The following GIT2 variants were observed in gnomAD, a reference collection of about 807,000 sequenced individuals.
GIT2 encodes the protein ARF GTPase-activating protein GIT2.
GIT2 carries 32 observed loss-of-function variants against 100.3 expected under a neutral mutation model. The observed-to-expected ratio is 0.32, with a 90% CI of 0.24 to 0.43. GIT2 has a LOEUF of 0.43. GIT2 is among the 20% of genes least tolerant of loss of function. The pLI, the probability that GIT2 is intolerant of heterozygous loss-of-function variation, is 1.00. For synonymous variants in GIT2, 353 were observed against 364.1 expected (o/e 0.97, Z 0.35); for missense variants, 737 against 975.1 (o/e 0.76, Z 3.25).
At chr12:109,964,886 T>C (rs1029332808) in intron 9 of GIT2, among the ~76,000 whole-genome samples, 3 of 151,974 alleles carry the variant, frequency 2.0e-5, no homozygotes, top group Admixed American at 1.3e-4. Context: ...CCCAGAGAAG[T>C]AGATTTCCCA....
chr12:109,938,415 C>T lies in GIT2; in HGVS notation c.1968G>A (p.Glu656=), dbSNP rs911950713. The T allele has an allele frequency of 1.9e-6, 3 of 1,613,712 alleles. No homozygotes were observed. In the Admixed American group the frequency reaches 5.0e-5, roughly 27 times the overall value. ...KTEQITKNIQ[E]LLRAAQENKH... is the part of the protein sequence containing the mutation. ...TATTTTCTTGGGCTGCTCTTAAGAG[C>T]TCCTGTATGTTTTTGGTGATCTGTT... Residue 656 remains glutamate, a synonymous_variant, in exon 18 of 20, where the codon GAG becomes GAA. Coordinates refer to ENST00000355312, the MANE Select transcript of GIT2 (RefSeq NM_057169.5).
chr12:109,946,412 C>T (rs1876368528), intron 15 of GIT2, among the ~76,000 whole-genome samples: 1 of 152,082 alleles, frequency 6.6e-6, no homozygotes, highest in Admixed American at 6.6e-5. Flanking sequence ...AACTTTGACA[C>T]TCAAAAAGAC....
intron 1 of GIT2, chr12:109,992,036 A>T (rs1888493349): frequency 9.5e-6 from 3 of 315,392 alleles, no homozygotes; most frequent in African/African-American, 4.3e-5. Flanking sequence ...CCTAATGTGG[A>T]TCTACCATTT....
At chr12:109,996,454 G>A (rs1327710025), upstream of GIT2, 3 of 509,162 alleles carry the variant, frequency 5.9e-6, no homozygotes, top group East Asian at 7.0e-5. Context: ...CATCTTGAGT[G>A]AGGGCAGGAG....
chr12:109,960,175 GT>G (rs1231414559), intron 11 of GIT2, among the ~76,000 whole-genome samples: 1 of 152,144 alleles, frequency 6.6e-6, no homozygotes, highest in African/African-American at 2.4e-5. Flanking sequence ...CATAACAAAT[GT>G]TATGGCATTT....
At chr12:109,998,093 T>A (rs1438679828), upstream of GIT2, 1 of 152,178 alleles carries the variant, frequency 6.6e-6, no homozygotes, top group Non-Finnish European at 1.5e-5. Context: ...CACGGCATGA[T>A]GAAGAAGAAG....
At chr12:109,996,683 A>G (rs145605349), upstream of GIT2, among the ~76,000 whole-genome samples, 5 of 152,334 alleles carry the variant, frequency 3.3e-5, no homozygotes, top group East Asian at 7.7e-4. Flanking sequence ...CATGCTTTAT[A>G]TACTGTCCCA....
rs2292354 is a variant in GIT2 at position 109,930,396 on chromosome 12, G to A, written c.*2582C>T. ...AGAATACAGGGTGAAAAAGAACGAC[G>A]TTACTGAAGGTAGACATTGCTAGTG... On this transcript the variant is annotated 3_prime_UTR_variant, in exon 20 of 20. Transcript: ENST00000355312. 0.24 allele frequency: 36,586 copies of A among 153,620 alleles called. 4,798 individuals are homozygous for A. The highest frequency in any genetic ancestry group is 0.47 in the South Asian group (2,257 of 4,808). 9.5% of individuals were successfully genotyped at this position (153,620 alleles called of 1,614,324 possible).
chr12:109,951,293 A>C lies in GIT2; in HGVS notation c.1266T>G (p.Asp422Glu). The part of the protein sequence containing the change: ...RQKSLDSDLS[D>E]GPVTVQEFME... Reference sequence around the variant, plus strand: ...TAAATTCCTGTACAGTGACTGGTCCATCTGATAAATCTGAATCTAGGCTCT... The same window carrying C: ...TAAATTCCTGTACAGTGACTGGTCCCTCTGATAAATCTGAATCTAGGCTCT... Residue 422 changes from aspartate (D) to glutamate (E), a missense_variant, in exon 14 of 20, where the codon GAT becomes GAG. By Grantham distance (45) the Asp-to-Glu change is conservative. Around this residue, in one of 3 missense-constraint regions of GIT2, gnomAD observed 451 missense variants for 543.7 expected, o/e 0.83. Transcript: ENST00000355312. 1 of 1,611,592 alleles carries C rather than the reference A, an allele frequency of 6.2e-7. No homozygotes were observed.
intron 2 of GIT2, among the ~76,000 whole-genome samples, chr12:109,990,187 C>T (rs1254082495): frequency 3.9e-5 from 6 of 152,196 alleles, no homozygotes; most frequent in Admixed American, 3.9e-4. Context: ...GTAAAAACAA[C>T]TACAGTTTGA....
intron 9 of GIT2, among the ~76,000 whole-genome samples, chr12:109,963,889 G>C (rs527261998): frequency 1.6e-4 from 25 of 152,174 alleles, no homozygotes; most frequent in Non-Finnish European, 2.6e-4. Flanking sequence ...TTCTATGAGA[G>C]GATGCCAAGG....
chr12:109,941,599 G>A (rs754992560), intron 16 of GIT2, among the ~76,000 whole-genome samples: 1 of 151,370 alleles, frequency 6.6e-6, no homozygotes, highest in Non-Finnish European at 1.5e-5. Flanking sequence ...TAGGCTCACT[G>A]CAACCTCCGC....
intron 6 of GIT2, chr12:109,983,031 T>C (rs1047927441): frequency 2.0e-5 from 4 of 204,674 alleles, no homozygotes; most frequent in African/African-American, 9.4e-5. Context: ...ATGTATATAT[T>C]TGCTTTTAAG....
chr12:109,986,718 T>C (rs1355505673), intron 4 of GIT2, among the ~76,000 whole-genome samples: 3 of 151,972 alleles, frequency 2.0e-5, no homozygotes, highest in Non-Finnish European at 2.9e-5. Context: ...TGAGCCAAGA[T>C]TGCGCCACTG....
intron 18 of GIT2, among the ~76,000 whole-genome samples, chr12:109,935,795 A>G (rs959323997): frequency 6.6e-6 from 1 of 152,208 alleles, no homozygotes; most frequent in African/African-American, 2.4e-5. Context: ...TCCTAAGGCC[A>G]TCTCTCAAAA....
intron 16 of GIT2, among the ~76,000 whole-genome samples, chr12:109,944,682 C>G (rs1371313278): frequency 1.3e-5 from 2 of 152,136 alleles, no homozygotes; most frequent in Non-Finnish European, 2.9e-5. Flanking sequence ...TTTAACCAAC[C>G]CGTACAAGTG....
At chr12:109,993,399 C>T (rs1434505805) in intron 1 of GIT2, among the ~76,000 whole-genome samples, 1 of 152,162 alleles carries the variant, frequency 6.6e-6, no homozygotes, top group Non-Finnish European at 1.5e-5. Flanking sequence ...CCCTTTCAAA[C>T]CATATAATGA....
rs1871799828 is a variant in GIT2 at position 109,932,372 on chromosome 12, T to C, written c.*606A>G. The C allele has an allele frequency of 6.6e-6, 1 of 152,600 alleles. No individual in the cohort carries two copies. The highest frequency in any genetic ancestry group is 2.1e-4 in the South Asian group (1 of 4,846). 9.5% of individuals were successfully genotyped at this position (152,600 alleles called of 1,614,324 possible). A position where few individuals can be genotyped will look rare whatever the true frequency, so the allele number is the denominator to read the frequency against. ...AGGAGCTTGAGATAACAACATTAAA[T>C]AACAGAACATGTAACAGGGTAAAAC... On this transcript the variant is annotated 3_prime_UTR_variant, in exon 20 of 20. Coordinates refer to ENST00000355312, the MANE Select transcript of GIT2 (RefSeq NM_057169.5).
At chr12:109,985,612 G>A (rs1887218558) in intron 4 of GIT2, among the ~76,000 whole-genome samples, 1 of 152,106 alleles carries the variant, frequency 6.6e-6, no homozygotes, top group Admixed American at 6.5e-5. Context: ...TACTTTGGGA[G>A]GCCGAGGCAG....
Sources: allele counts gnomAD v4.1 joint callset (sites outside exome capture counted in the v4.1 genomes callset), GRCh38; gene constraint gnomAD v4.1.1; regional missense constraint gnomAD v4.1.1; transcripts MANE v1.5; gene names NCBI Gene and HGNC (gene_info 2026-07-23, HGNC 2026-07-21).